The following KAZN variants were observed in gnomAD, a reference collection of about 807,000 sequenced individuals.
KAZN encodes kazrin, periplakin interacting protein.
Under a neutral mutation model 87.4 loss-of-function variants are expected in KAZN, and 40 were observed. That is an observed-to-expected ratio of 0.46 (90% CI 0.36 to 0.60). The LOEUF (loss-of-function observed/expected upper bound fraction) is 0.60, where lower values mean the gene tolerates loss of function less well. KAZN is among the 20% of genes least tolerant of loss of function. The pLI, the probability that KAZN is intolerant of heterozygous loss-of-function variation, is 0.00. For synonymous variants in KAZN, 466 were observed against 458.3 expected, an observed-to-expected ratio of 1.02 and a Z score of -0.22; for missense variants, 898 against 1,073.9, an observed-to-expected ratio of 0.84 and a Z score of 2.29.
chr1:14,550,730 T>C, intron 2 of KAZN, among the ~76,000 whole-genome samples: 1 of 84,412 alleles, frequency 1.2e-5, no homozygotes, highest in African/African-American at 3.7e-5. Context: ...TCTCTCTCTC[T>C]CTCTCTCTCC....
intron 1 of KAZN, among the ~76,000 whole-genome samples, chr1:14,063,327 A>G (rs906877865): frequency 6.6e-6 from 1 of 152,230 alleles, no homozygotes; most frequent in Non-Finnish European, 1.5e-5. Flanking sequence ...GTAAGTAACA[A>G]TAATTATAAT....
At chr1:14,109,669 A>G (rs1644454494) in intron 1 of KAZN, among the ~76,000 whole-genome samples, 1 of 152,164 alleles carries the variant, frequency 6.6e-6, no homozygotes, top group African/African-American at 2.4e-5. Context: ...TTGATTTCCC[A>G]TTTGCACGGC....
chr1:14,701,915 C>A (rs1250555213), intron 1 of KAZN, among the ~76,000 whole-genome samples: 1 of 152,198 alleles, frequency 6.6e-6, no homozygotes, highest in African/African-American at 2.4e-5. Context: ...TCTGTGCACA[C>A]CCCACCTAGC....
At chr1:14,800,423 A>G (rs529829320) in intron 1 of KAZN, among the ~76,000 whole-genome samples, 1 of 152,368 alleles carries the variant, frequency 6.6e-6, no homozygotes, top group South Asian at 2.1e-4. Context: ...AGTAATTGCC[A>G]GACACGGTGG....
intron 1 of KAZN, among the ~76,000 whole-genome samples, chr1:14,025,392 C>T (rs976415230): frequency 2.6e-5 from 4 of 152,202 alleles, no homozygotes; most frequent in African/African-American, 9.6e-5. Flanking sequence ...CCTCAAAATA[C>T]AGTAGTTAGA....
At chr1:14,846,184 A>G (rs1349782634) in intron 1 of KAZN, among the ~76,000 whole-genome samples, 1 of 152,228 alleles carries the variant, frequency 6.6e-6, no homozygotes, top group African/African-American at 2.4e-5. Context: ...GAGCTGCTGC[A>G]TTCTACAGTT....
intron 1 of KAZN, among the ~76,000 whole-genome samples, chr1:14,825,467 G>A (rs971392867): frequency 1.3e-5 from 2 of 152,136 alleles, no homozygotes; most frequent in Non-Finnish European, 2.9e-5. Context: ...AAACCATAAC[G>A]ATGTTGTATG....
At chr1:15,068,625 G>A (rs909325596) in intron 8 of KAZN, among the ~76,000 whole-genome samples, 2 of 152,000 alleles carry the variant, frequency 1.3e-5, no homozygotes, top group Non-Finnish European at 2.9e-5. Flanking sequence ...GGAGCCACAG[G>A]CTTCCTTGAT....
At chr1:14,010,994 CT>C (rs1640274694) in intron 1 of KAZN, among the ~76,000 whole-genome samples, 1 of 152,064 alleles carries the variant, frequency 6.6e-6, no homozygotes, top group African/African-American at 2.4e-5. Context: ...TCTGCCTCCC[CT>C]ATTTCCTCTC....
chr1:14,854,851 G>T (rs1040433620), intron 1 of KAZN, among the ~76,000 whole-genome samples: 1 of 152,272 alleles, frequency 6.6e-6, no homozygotes, highest in South Asian at 2.1e-4. Context: ...AAAGTGTGAG[G>T]CCGAATTCAG....
At chr1:14,932,200 C>T (rs1278716438) in intron 1 of KAZN, among the ~76,000 whole-genome samples, 2 of 152,176 alleles carry the variant, frequency 1.3e-5, no homozygotes, top group South Asian at 4.2e-4. Context: ...ACCTCTGGGC[C>T]GCCTGTGGGG....
chr1:14,715,130 C>T (rs1367011145), intron 1 of KAZN, among the ~76,000 whole-genome samples: 1 of 152,142 alleles, frequency 6.6e-6, no homozygotes, highest in Non-Finnish European at 1.5e-5. Flanking sequence ...CAGGGTCTCA[C>T]TCTGTTGCCC....
At chr1:14,390,207 C>A (rs780012906) in intron 2 of KAZN, among the ~76,000 whole-genome samples, 1 of 152,094 alleles carries the variant, frequency 6.6e-6, no homozygotes, top group Non-Finnish European at 1.5e-5. Context: ...AGGTGCTCAA[C>A]AATGATCTAG....
intron 1 of KAZN, among the ~76,000 whole-genome samples, chr1:14,168,588 G>A (rs1645883000): frequency 1.3e-5 from 2 of 152,136 alleles, no homozygotes; most frequent in Admixed American, 1.3e-4. Context: ...TGGAGATGAT[G>A]CTACCCATTA....
rs138181474 is a variant in KAZN at position 14,855,908 on chromosome 1, A to G, written c.227-104776A>G. Among the ~76,000 whole-genome samples the G allele has an allele frequency of 1.7e-4, 26 of 152,288 alleles. 1 individual carries two copies. Among genetic ancestry groups the G allele is most frequent in the African/African-American group, 6.3e-4 (26 of 41,566 alleles). On this transcript the variant is annotated intron_variant, in intron 1 of 14. Transcript: ENST00000376030. ...GGAGGAAGCCTGTTCTCCCCTTTAA[A>G]CAGAGGGAGCGGCTGCTTACAGAGC...
intron 2 of KAZN, among the ~76,000 whole-genome samples, chr1:14,520,512 A>G (rs887776127): frequency 6.6e-6 from 1 of 152,182 alleles, no homozygotes; most frequent in East Asian, 1.9e-4. Flanking sequence ...CACTAATCCA[A>G]TGCCCATCTC....
Position 15,099,786 on chromosome 1 carries a change from A to G in KAZN, c.1548-1757A>G, listed in dbSNP as rs147550415. On this transcript the variant is annotated intron_variant, in intron 10 of 14. Transcript: ENST00000376030. The surrounding 1 kb of genome is among the most constrained non-coding windows in gnomAD (Gnocchi z 5.4). ...CCTGGGGGATGCGGAATAGAAGGGA[A>G]GCAAAGGCAGGAAACGGGGAGCAGC... 6.6e-6 allele frequency among the ~76,000 whole-genome samples: 1 copy of G among 152,300 alleles called. No homozygotes were observed. The highest frequency in any genetic ancestry group is 1.9e-4 in the East Asian group (1 of 5,182).
intron 2 of KAZN, among the ~76,000 whole-genome samples, chr1:14,554,938 G>C (rs527777281): frequency 3.9e-5 from 6 of 152,172 alleles, no homozygotes; most frequent in Non-Finnish European, 8.8e-5. Flanking sequence ...GGAAAGACCA[G>C]TGCCCCCACA....
intron 2 of KAZN, among the ~76,000 whole-genome samples, chr1:14,311,400 T>C (rs1291144627): frequency 6.6e-6 from 1 of 152,160 alleles, no homozygotes; most frequent in East Asian, 1.9e-4. Flanking sequence ...AAGTTCCCAA[T>C]AAGATGCTTA....
Sources: allele counts gnomAD v4.1 joint callset (sites outside exome capture counted in the v4.1 genomes callset), GRCh38; gene constraint gnomAD v4.1.1; non-coding constraint Gnocchi (gnomAD v3.1); transcripts MANE v1.5; gene names NCBI Gene and HGNC (gene_info 2026-07-23, HGNC 2026-07-21).